POU6F2: variants seen among roughly 807,000 people sequenced by gnomAD.
POU6F2 encodes the protein POU class 6 homeobox 2.
POU6F2 carries 31 observed loss-of-function variants against 71.3 expected under a neutral mutation model. That is an observed-to-expected ratio of 0.43 (90% CI 0.33 to 0.59). POU6F2 has a LOEUF of 0.59. Among genes scored for constraint, POU6F2 ranks in the 20% least tolerant of loss-of-function variants. The pLI, the probability that POU6F2 is intolerant of heterozygous loss-of-function variation, is 0.04. For missense variants in POU6F2, 783 were observed against 856.8 expected (o/e 0.91, Z 1.07); for synonymous variants, 347 against 355.7 (o/e 0.98, Z 0.27).
At chr7:39,367,300 G>T (rs577718658) in intron 5 of POU6F2, among the ~76,000 whole-genome samples, 2 of 152,148 alleles carry the variant, frequency 1.3e-5, no homozygotes, top group African/African-American at 4.8e-5. Context: ...GAAGCCATTT[G>T]TCCGATAGCC....
intron 4 of POU6F2, among the ~76,000 whole-genome samples, chr7:39,268,898 G>A (rs73128430): frequency 0.18 from 27,552 of 152,104 alleles, 2,736 homozygotes; most frequent in South Asian, 0.25. Flanking sequence ...AAGTGTTGCC[G>A]GGGGTATTTA....
intron 2 of POU6F2, among the ~76,000 whole-genome samples, chr7:39,156,619 CT>C (rs1792875463): frequency 6.6e-6 from 1 of 152,040 alleles, no homozygotes; most frequent in African/African-American, 2.4e-5. Context: ...GGAGGACTTC[CT>C]TCTAGATTTT....
intron 5 of POU6F2, among the ~76,000 whole-genome samples, chr7:39,350,469 A>G (rs1274535839): frequency 6.6e-6 from 1 of 152,134 alleles, no homozygotes; most frequent in African/African-American, 2.4e-5. Flanking sequence ...CTCCTGTCTA[A>G]GGTTTAAAAA....
intron 4 of POU6F2, among the ~76,000 whole-genome samples, chr7:39,243,360 C>A (rs530618576): frequency 2.6e-5 from 4 of 152,124 alleles, no homozygotes; most frequent in African/African-American, 9.6e-5. Context: ...CACTGCACCC[C>A]CTGCACCCCT....
At chr7:39,056,662 C>G (rs57409828) in intron 1 of POU6F2, among the ~76,000 whole-genome samples, 2,721 of 113,344 alleles carry the variant, frequency 0.024, 70 homozygotes, top group African/African-American at 0.068. Flanking sequence ...CTCTCTCTCT[C>G]TGTGTGTGTG....
chr7:39,045,388 T>C (rs1490619416), intron 1 of POU6F2, among the ~76,000 whole-genome samples: 2 of 151,858 alleles, frequency 1.3e-5, no homozygotes, highest in African/African-American at 4.8e-5. Flanking sequence ...AAGTTATAGC[T>C]CTTTATGCTC....
intron 1 of POU6F2, among the ~76,000 whole-genome samples, chr7:39,005,484 C>CTGTGGGTGTGTGTGTGTGTGTGTGTG: frequency 7.9e-6 from 1 of 126,610 alleles, no homozygotes; most frequent in Non-Finnish European, 1.7e-5. Context: ...AGGGAGAAAC[C>CTGTGGGTGTGTGTGTGTGTGTGTGTG]TGTGTGTGTG....
intron 1 of POU6F2, among the ~76,000 whole-genome samples, chr7:38,993,053 C>T (rs1356242946): frequency 6.6e-6 from 1 of 152,022 alleles, no homozygotes; most frequent in Non-Finnish European, 1.5e-5. Flanking sequence ...CTAGTTGGTT[C>T]TTGAATAATA....
intron 5 of POU6F2, among the ~76,000 whole-genome samples, chr7:39,377,525 C>G (rs1049346983): frequency 6.6e-6 from 1 of 152,152 alleles, no homozygotes; most frequent in Non-Finnish European, 1.5e-5. Flanking sequence ...GGTTGTCTTC[C>G]TGGGCCCACA....
At chr7:39,454,714 AT>A (rs1788756762) in intron 8 of POU6F2, among the ~76,000 whole-genome samples, 9 of 77,728 alleles carry the variant, frequency 1.2e-4, no homozygotes, top group Non-Finnish European at 1.6e-4. Context: ...ATATATATAT[AT>A]ATATATATAT....
At chr7:39,025,664 A>T (rs948949194) in intron 1 of POU6F2, among the ~76,000 whole-genome samples, 2 of 151,516 alleles carry the variant, frequency 1.3e-5, no homozygotes, top group African/African-American at 4.8e-5. Flanking sequence ...AAACCTAGGC[A>T]TTACCATTCA....
At chr7:39,129,829 C>G (rs747131509) in intron 2 of POU6F2, among the ~76,000 whole-genome samples, 49 of 151,970 alleles carry the variant, frequency 3.2e-4, no homozygotes, top group Middle Eastern at 3.4e-3. Flanking sequence ...TTTGGGAGGC[C>G]GAGGCGGGCA....
chr7:39,207,732 T>G, intron 4 of POU6F2, 112 bp downstream of exon 4: 2 of 1,012,948 alleles, frequency 2.0e-6, no homozygotes, highest in Non-Finnish European at 2.9e-6. Flanking sequence ...GAGTTGCTTC[T>G]GCCCTAAATG....
chr7:39,007,040 T>C (rs541850672), intron 1 of POU6F2, among the ~76,000 whole-genome samples: 8 of 152,354 alleles, frequency 5.3e-5, no homozygotes, highest in Admixed American at 1.3e-4. Flanking sequence ...AGATTTATTT[T>C]ATGCCAGAAT....
chr7:39,084,825 AG>A (rs1210539291), intron 1 of POU6F2, among the ~76,000 whole-genome samples: 3 of 152,170 alleles, frequency 2.0e-5, no homozygotes, highest in African/African-American at 4.8e-5. Context: ...GGAACCATTT[AG>A]GCATGAACTT....
chr7:39,030,987 T>G (rs10234710), intron 1 of POU6F2, among the ~76,000 whole-genome samples: 135,866 of 151,926 alleles, frequency 0.89, 60,803 homozygotes, highest in East Asian at 1. Context: ...CGCAACCTCC[T>G]CCTCCCGGGT....
chr7:39,051,020 C>A (rs1045431241), intron 1 of POU6F2, among the ~76,000 whole-genome samples: 1 of 151,984 alleles, frequency 6.6e-6, no homozygotes, highest in Non-Finnish European at 1.5e-5. Flanking sequence ...TTTGTTTCCC[C>A]ATAAGCTGCA....
chr7:39,404,382 G>T (rs1172907332), intron 5 of POU6F2, among the ~76,000 whole-genome samples: 2 of 152,188 alleles, frequency 1.3e-5, no homozygotes, highest in Non-Finnish European at 2.9e-5. Flanking sequence ...GGTATCCAGA[G>T]AATAATTCTA....
intron 4 of POU6F2, among the ~76,000 whole-genome samples, chr7:39,255,054 T>TTA (rs1032512861): frequency 4.5e-4 from 68 of 152,330 alleles, no homozygotes; most frequent in African/African-American, 1.6e-3. Flanking sequence ...TATATATCCT[T>TTA]TATATATATC....
Sources: gnomAD v4.1 joint callset for allele counts (sites outside exome capture counted in the v4.1 genomes callset) on GRCh38, gnomAD v4.1.1 for gene constraint, MANE v1.5 for transcripts, NCBI Gene and HGNC (gene_info 2026-07-23, HGNC 2026-07-21) for gene names.